The following C1orf54 variants were observed in gnomAD, a reference collection of about 807,000 sequenced individuals.
C1orf54 encodes chromosome 1 open reading frame 54.
In C1orf54, 12 loss-of-function variants were observed where a neutral mutation model predicts 14.7. That is an observed-to-expected ratio of 0.82 (90% CI 0.52 to 1.32). The LOEUF (loss-of-function observed/expected upper bound fraction) is 1.32, where lower values mean the gene tolerates loss of function less well. C1orf54 is among the 40% of genes most tolerant of loss of function. C1orf54 has a pLI of 0.00. For synonymous variants in C1orf54, 65 were observed against 56.3 expected, an observed-to-expected ratio of 1.16 and a Z score of -0.70; for missense variants, 163 against 162.2, an observed-to-expected ratio of 1.00 and a Z score of -0.03.
Position 150,276,647 on chromosome 1 carries a change from G to T in C1orf54, c.300+15G>T. ...CAACGGAACCTGTGAGTTGATTGGG[G>T]ATTGGGGGCTGGGGGGAGACAGGAC... On this transcript the variant is annotated intron_variant, in intron 4 of 5. Coordinates refer to ENST00000369099, the MANE Select transcript of C1orf54 (RefSeq NM_024579.4). The T allele has an allele frequency of 6.2e-7, 1 of 1,600,988 alleles. No individual in the cohort carries two copies. Among genetic ancestry groups the T allele is most frequent in the Non-Finnish European group, 8.6e-7 (1 of 1,168,186 alleles).
Position 150,275,791 on chromosome 1 carries a change from G to A in C1orf54, c.181G>A (p.Asp61Asn), listed in dbSNP as rs77058850. ...TIDYSIFESEDRLNRLDKDIT... is the reference protein window; with the variant it reads ...TIDYSIFESENRLNRLDKDIT... ...TGATTACTCCATATTTGAGTCAGAGGACAGGCTGGTGAGTGAACTCTACAT... is the reference window on the plus strand; with the variant it reads ...TGATTACTCCATATTTGAGTCAGAGAACAGGCTGGTGAGTGAACTCTACAT... Residue 61 changes from aspartate to asparagine, a missense_variant, in exon 3 of 6, where the codon GAC becomes AAC. Physicochemically the swap from Asp to Asn is conservative, Grantham distance 23. Coordinates refer to ENST00000369099, the MANE Select transcript of C1orf54 (RefSeq NM_024579.4). 2.7e-3 allele frequency: 4,361 copies of A among 1,611,088 alleles called. 99 individuals are homozygous for A. The African/African-American group carries it at 0.05, about 19-fold the overall frequency.
intron 1 of C1orf54, 62 bp from the exon 2 acceptor site, chr1:150,274,025 G>C: frequency 8.8e-7 from 1 of 1,136,502 alleles, no homozygotes; most frequent in Non-Finnish European, 1.3e-6. Flanking sequence ...GTCATCTCCA[G>C]GTGTCCTTTT....
At chr1:150,269,856 G>A (rs1187757285), upstream of C1orf54, among the ~76,000 whole-genome samples, 1 of 152,032 alleles carries the variant, frequency 6.6e-6, no homozygotes, top group Non-Finnish European at 1.5e-5. Flanking sequence ...GGCCAACATG[G>A]CGAAACCCCA....
chr1:150,274,407 T>C (rs1652463615), intron 2 of C1orf54, among the ~76,000 whole-genome samples: 1 of 151,292 alleles, frequency 6.6e-6, no homozygotes, highest in Admixed American at 6.6e-5. Context: ...GAGACCATCC[T>C]GGCTAACACA....
rs587709389 is a variant in C1orf54, at chr1:150,276,334, G to T, written c.190-188G>T. ...GTAAGTTTGCTAAGACACTGAGGAG[G>T]GGCATCAAGGGACTTTTGAATGAGA... On this transcript the variant is annotated intron_variant, in intron 3 of 5. Coordinates refer to ENST00000369099, the MANE Select transcript of C1orf54 (RefSeq NM_024579.4). Among the ~76,000 whole-genome samples, 11 of 152,226 alleles carry T rather than the reference G, an allele frequency of 7.2e-5. No homozygotes were observed. In the South Asian group the frequency reaches 2.3e-3, roughly 32 times the overall value.
intron 4 of C1orf54, among the ~76,000 whole-genome samples, chr1:150,276,984 A>G (rs892760520): frequency 3.9e-5 from 6 of 152,230 alleles, no homozygotes; most frequent in African/African-American, 1.4e-4. Context: ...AACAAAATGA[A>G]AAGGTATGTT....
intron 5 of C1orf54, among the ~76,000 whole-genome samples, chr1:150,280,151 G>T (rs1652978628): frequency 6.6e-6 from 1 of 152,268 alleles, no homozygotes; most frequent in Admixed American, 6.5e-5. Context: ...TTAAGCCCAA[G>T]AATTGGAGGC....
At chr1:150,268,896 G>A (rs1651998907), upstream of C1orf54, 1 of 1,228,650 alleles carries the variant, frequency 8.1e-7, no homozygotes, top group Non-Finnish European at 1.2e-6. Context: ...CGCGTGGGGT[G>A]GCAACGCGAC....
chr1:150,280,735 C>A, intron 5 of C1orf54, 100 bp from the exon 6 acceptor site: 1 of 935,354 alleles, frequency 1.1e-6, no homozygotes, highest in Non-Finnish European at 1.6e-6. Context: ...GCAATCCCAG[C>A]TCAGAATATC....
chr1:150,273,083 C>T (rs1553851631), intron 1 of C1orf54, among the ~76,000 whole-genome samples: 1 of 152,144 alleles, frequency 6.6e-6, no homozygotes, highest in African/African-American at 2.4e-5. Flanking sequence ...GAGGATGGAG[C>T]TCCAGACACA....
chr1:150,274,496 A>T (rs1385229940), intron 2 of C1orf54, among the ~76,000 whole-genome samples: 1 of 151,444 alleles, frequency 6.6e-6, no homozygotes, highest in African/African-American at 2.4e-5. Context: ...GCTACTTGGG[A>T]GGCTGAGGCA....
intron 5 of C1orf54, among the ~76,000 whole-genome samples, chr1:150,280,045 A>G (rs114860585): frequency 0.021 from 3,160 of 152,302 alleles, 128 homozygotes; most frequent in African/African-American, 0.07. Context: ...GAACTCCTCT[A>G]CAAGACGTTA....
At chr1:150,278,621 A>G (rs1316406043) in intron 4 of C1orf54, among the ~76,000 whole-genome samples, 1 of 152,240 alleles carries the variant, frequency 6.6e-6, no homozygotes, top group Non-Finnish European at 1.5e-5. Context: ...TGACTGGAGA[A>G]GTAGGCAGAT....
At chr1:150,269,205 G>C, upstream of C1orf54, 1 of 190,976 alleles carries the variant, frequency 5.2e-6, no homozygotes, top group South Asian at 8.3e-5. Context: ...TGGACCAGTC[G>C]AGACACCAAT....
intron 2 of C1orf54, 61 bp downstream of exon 2, chr1:150,274,231 T>C: frequency 8.0e-7 from 1 of 1,254,386 alleles, no homozygotes; most frequent in Non-Finnish European, 1.2e-6. Context: ...GATATTTAGT[T>C]CTGAGACTTT....
Position 150,276,678 on chromosome 1 carries a change from T to C in C1orf54, c.300+46T>C, listed in dbSNP as rs782075502. On this transcript the variant is annotated intron_variant, in intron 4 of 5. Transcript: ENST00000369099. ...GGGCTGGGGGGAGACAGGACATCCCTAGTGACGTGGAATACATAGAGGGCT... is the reference window on the plus strand; with the variant it reads ...GGGCTGGGGGGAGACAGGACATCCCCAGTGACGTGGAATACATAGAGGGCT... 9 of 1,473,822 alleles carry C rather than the reference T, an allele frequency of 6.1e-6. No individual in the cohort carries two copies. In the East Asian group the frequency reaches 2.0e-4, roughly 33 times the overall value. The allele number at this position is 1,473,822 out of a possible 1,614,324, so 91.3% of individuals were successfully genotyped here.
Position 150,274,122 on chromosome 1 carries a change from GATGA to G in C1orf54, c.85_88del (p.Glu29IlefsTer34), listed in dbSNP as rs1652435694. ...TGAGGATGAAGAAAGACTGGGAGAGGATGAATATTATCAGGTGGTCTATTATTAT... is the reference window on the plus strand; with the variant it reads ...TGAGGATGAAGAAAGACTGGGAGAGGATATTATCAGGTGGTCTATTATTAT... On this transcript the variant is annotated frameshift_variant, in exon 2 of 6. Coordinates refer to ENST00000369099, the MANE Select transcript of C1orf54 (RefSeq NM_024579.4). LOFTEE classifies it high-confidence loss of function. 1 of 1,612,776 alleles carries G rather than the reference GATGA, an allele frequency of 6.2e-7. No homozygotes were observed. Among genetic ancestry groups the G allele is most frequent in the Non-Finnish European group, 8.5e-7 (1 of 1,178,832 alleles).
intron 4 of C1orf54, among the ~76,000 whole-genome samples, chr1:150,277,699 G>A (rs1297358718): frequency 6.6e-6 from 1 of 152,024 alleles, no homozygotes; most frequent in Non-Finnish European, 1.5e-5. Flanking sequence ...CAACATAGGG[G>A]CAAATTTCAG....
chr1:150,276,391 G>A (rs142381327), intron 3 of C1orf54, 131 bp from the exon 4 acceptor site: 284 of 697,504 alleles, frequency 4.1e-4, no homozygotes, highest in African/African-American at 4.0e-3. Flanking sequence ...ATAGGGTAGG[G>A]GGGAATCCCT....
Sources: gnomAD v4.1 joint callset for allele counts (sites outside exome capture counted in the v4.1 genomes callset) on GRCh38, gnomAD v4.1.1 for gene constraint, MANE v1.5 for transcripts, NCBI Gene and HGNC (gene_info 2026-07-23, HGNC 2026-07-21) for gene names.